The following SMG6 variants were observed in gnomAD, a reference collection of about 807,000 sequenced individuals.
SMG6 encodes the protein telomerase-binding protein EST1A.
SMG6 carries 66 observed loss-of-function variants against 142.2 expected under a neutral mutation model. The observed-to-expected ratio is 0.46, with a 90% CI of 0.38 to 0.57. SMG6 has a LOEUF of 0.57. Ranked by LOEUF, SMG6 falls within the 20% of genes least tolerant of loss-of-function variation. The pLI is 0.00. For synonymous variants in SMG6, 779 were observed against 702.4 expected (o/e 1.11, Z -1.72); for missense variants, 1,793 against 1,832.0 (o/e 0.98, Z 0.39).
rs775682731 is a variant in SMG6, at chr17:2,068,744, T to C, written c.3835+34A>G. 1.0e-4 allele frequency: 162 copies of C among 1,605,372 alleles called. No individual in the cohort carries two copies. Among genetic ancestry groups the C allele is most frequent in the Non-Finnish European group, 1.4e-4 (159 of 1,175,506 alleles). ...TGTGTGGAGGGGGCTGCTGTGCACA[T>C]GCAAGGCCGCTCTGCCCTTCCCGCC... On this transcript the variant is annotated intron_variant, in intron 16 of 18. Transcript: ENST00000263073. The surrounding 1 kb of genome is among the most constrained non-coding windows in gnomAD (Gnocchi z 6.7).
At chr17:2,091,733 C>A (rs558525494) in intron 13 of SMG6, among the ~76,000 whole-genome samples, 1 of 149,746 alleles carries the variant, frequency 6.7e-6, no homozygotes, top group Non-Finnish European at 1.5e-5. Flanking sequence ...TGCAGTGGTG[C>A]GATCTCGGCT....
chr17:2,090,602 A>T (rs2068690602), intron 13 of SMG6, among the ~76,000 whole-genome samples: 1 of 152,128 alleles, frequency 6.6e-6, no homozygotes, highest in Non-Finnish European at 1.5e-5. Context: ...GTTACTAGTC[A>T]TTTTGCAAAA....
chr17:2,136,177 TCA>T (rs1035248819), intron 13 of SMG6, among the ~76,000 whole-genome samples: 1 of 152,036 alleles, frequency 6.6e-6, no homozygotes, highest in Non-Finnish European at 1.5e-5. Flanking sequence ...TTTTCACGTC[TCA>T]GTTTCCTGAG....
At chr17:2,157,895 G>GAAATCCCT (rs1567645305) in intron 13 of SMG6, among the ~76,000 whole-genome samples, 1 of 152,154 alleles carries the variant, frequency 6.6e-6, no homozygotes, top group Admixed American at 6.6e-5. Flanking sequence ...AGCTGAATTA[G>GAAATCCCT]AAATCCCTAA....
At position 2,071,743 on chromosome 17, in the gene SMG6, G is replaced by C. The variant is rs541350694; in HGVS notation, c.3682-2812C>G. Among the ~76,000 whole-genome samples the C allele has an allele frequency of 1.3e-5, 2 of 152,248 alleles. No homozygotes were observed. Among genetic ancestry groups the C allele is most frequent in the East Asian group, 3.9e-4 (2 of 5,188 alleles). On this transcript the variant is annotated intron_variant, in intron 15 of 18. Transcript: ENST00000263073. This position sits in a 1 kb window ranked among gnomAD's most constrained non-coding sequence, Gnocchi z 5.6. ...GGGGTACCGGTGGGCCTCTGGGCGG[G>C]GGGGGTCACACCTGGGTCACAAGAC...
At chr17:2,191,643 T>C (rs1438608865) in intron 10 of SMG6, among the ~76,000 whole-genome samples, 2 of 152,168 alleles carry the variant, frequency 1.3e-5, no homozygotes, top group Admixed American at 6.5e-5. Context: ...TATTTCTTAA[T>C]AAGAAAGTCA....
chr17:2,079,627 A>T (rs2068356514), intron 15 of SMG6, among the ~76,000 whole-genome samples: 1 of 151,940 alleles, frequency 6.6e-6, no homozygotes, highest in South Asian at 2.1e-4. Flanking sequence ...AAAAAAAGTA[A>T]AAGAAGCATG....
At chr17:2,157,057 C>G (rs540976567) in intron 13 of SMG6, among the ~76,000 whole-genome samples, 1 of 152,252 alleles carries the variant, frequency 6.6e-6, no homozygotes, top group African/African-American at 2.4e-5. Context: ...AGAGACCCTC[C>G]CTCCTCCTAA....
Position 2,061,641 on chromosome 17 carries a change from A to G in SMG6, c.4130-19T>C, listed in dbSNP as rs1169228612. The G allele has an allele frequency of 4.5e-6, 7 of 1,564,420 alleles. No homozygotes were observed. Among genetic ancestry groups the G allele is most frequent in the Non-Finnish European group, 5.2e-6 (6 of 1,154,480 alleles). ...GGCTCCTCTGTGGGCATGAGAGAGC[A>G]GAAGGCTGTCACTGAGGACAGGAGG... On this transcript the variant is annotated intron_variant, in intron 18 of 18. Transcript: ENST00000263073.
chr17:2,159,621 T>C (rs2071112984), intron 13 of SMG6, among the ~76,000 whole-genome samples: 1 of 152,226 alleles, frequency 6.6e-6, no homozygotes, highest in African/African-American at 2.4e-5. Context: ...TGGAAGCTTC[T>C]TTTAAAGTTA....
At chr17:2,136,010 G>A (rs1292057325) in intron 13 of SMG6, among the ~76,000 whole-genome samples, 3 of 146,220 alleles carry the variant, frequency 2.1e-5, no homozygotes, top group African/African-American at 8.1e-5. Context: ...GTGTGTGTGT[G>A]TGTGTGTGTG....
In SMG6 at chr17:2,065,436, G is replaced by T. The variant is rs201035387; in HGVS notation, c.4047+32C>A. On this transcript the variant is annotated intron_variant, in intron 17 of 18. Coordinates refer to ENST00000263073, the MANE Select transcript of SMG6 (RefSeq NM_017575.5). ...GGAGACCTTGTTCTGGAAGCTGGCT[G>T]TGGGCTTTCCCTTCCTGCCACAGGG... The T allele has an allele frequency of 3.7e-5, 59 of 1,595,456 alleles. No homozygotes were observed. The Admixed American group carries it at 9.7e-4, about 26-fold the overall frequency.
chr17:2,285,659 T>G (rs1229923187), intron 6 of SMG6, among the ~76,000 whole-genome samples: 1 of 151,888 alleles, frequency 6.6e-6, no homozygotes, highest in Non-Finnish European at 1.5e-5. Context: ...GGCAACGCAG[T>G]GAGACCCTCT....
chr17:2,155,234 G>A (rs2070965304), intron 13 of SMG6, among the ~76,000 whole-genome samples: 1 of 151,920 alleles, frequency 6.6e-6, no homozygotes, highest in Non-Finnish European at 1.5e-5. Context: ...GCTACTTTTT[G>A]TATTTTTAGT....
chr17:2,188,207 G>C (rs1461421594), intron 11 of SMG6, among the ~76,000 whole-genome samples, 192 bp downstream of exon 11: 1 of 152,124 alleles, frequency 6.6e-6, no homozygotes, highest in African/African-American at 2.4e-5. Flanking sequence ...AAGGAGAAGA[G>C]GGCCTTAGAG....
rs944983711 is a variant in SMG6 at position 2,085,977 on chromosome 17, T to G, written c.3358-76A>C. On this transcript the variant is annotated intron_variant, in intron 13 of 18. Coordinates refer to ENST00000263073, the MANE Select transcript of SMG6 (RefSeq NM_017575.5). This position sits in a 1 kb window ranked among gnomAD's most constrained non-coding sequence, Gnocchi z 4.1. ...TGGAGACGAGATGTTGCTTGCCGGC[T>G]GAGGGGCACAGGGGAACTGTGTCAA... is the stretch of plus-strand genomic sequence containing the variant. 3 of 1,457,330 alleles carry G rather than the reference T, an allele frequency of 2.1e-6. No homozygotes were observed. Among genetic ancestry groups the G allele is most frequent in the Non-Finnish European group, 1.9e-6 (2 of 1,041,258 alleles). The allele number at this position is 1,457,330 out of a possible 1,614,324, so 90.3% of individuals were successfully genotyped here.
At chr17:2,148,746 C>A (rs924086115) in intron 13 of SMG6, among the ~76,000 whole-genome samples, 4 of 151,916 alleles carry the variant, frequency 2.6e-5, no homozygotes, top group Admixed American at 2.0e-4. Flanking sequence ...GTAATCCCAA[C>A]TACTTAGAAG....
intron 13 of SMG6, among the ~76,000 whole-genome samples, chr17:2,165,358 T>C (rs2071304896): frequency 6.6e-6 from 1 of 151,824 alleles, no homozygotes; most frequent in South Asian, 2.1e-4. Context: ...GAACAGAAAA[T>C]GTAGAAAATA....
rs577018960 is a variant in SMG6 at position 2,105,964 on chromosome 17, G to C, written c.3358-20063C>G. On this transcript the variant is annotated intron_variant, in intron 13 of 18. Coordinates refer to ENST00000263073, the MANE Select transcript of SMG6 (RefSeq NM_017575.5). Reference sequence around the variant, plus strand: ...TGAAGACAGGAAAATGGAAATCAAAGCTCCCTCCTGATACTTGGCACCCAA... The same window carrying C: ...TGAAGACAGGAAAATGGAAATCAAACCTCCCTCCTGATACTTGGCACCCAA... Among the ~76,000 whole-genome samples, 74 of 152,316 alleles carry C rather than the reference G, an allele frequency of 4.9e-4. 1 individual carries two copies. Among genetic ancestry groups the C allele is most frequent in the Non-Finnish European group, 9.7e-4 (66 of 68,032 alleles).
Sources: allele counts gnomAD v4.1 joint callset (sites outside exome capture counted in the v4.1 genomes callset), GRCh38; gene constraint gnomAD v4.1.1; non-coding constraint Gnocchi (gnomAD v3.1); transcripts MANE v1.5; gene names NCBI Gene and HGNC (gene_info 2026-07-23, HGNC 2026-07-21).